The following EXOC6B variants were observed in gnomAD, a reference collection of about 807,000 sequenced individuals.
The protein encoded by EXOC6B is exocyst complex component 6B.
In EXOC6B, 54 loss-of-function variants were observed where a neutral mutation model predicts 113.5. That is an observed-to-expected ratio of 0.48 (90% CI 0.38 to 0.60). The LOEUF (loss-of-function observed/expected upper bound fraction) is 0.60. Among genes scored for constraint, EXOC6B ranks in the 20% least tolerant of loss-of-function variants. The pLI is 0.00. For synonymous variants in EXOC6B, 357 were observed against 339.0 expected (o/e 1.05, Z -0.58); for missense variants, 797 against 977.5 (o/e 0.82, Z 2.46).
intron 17 of EXOC6B, among the ~76,000 whole-genome samples, chr2:72,479,904 T>C (rs1267775728): frequency 6.6e-6 from 1 of 152,024 alleles, no homozygotes; most frequent in Non-Finnish European, 1.5e-5. Flanking sequence ...AAAGTAAGAT[T>C]AAAAAATTGA....
chr2:72,654,717 G>C (rs1005480046), intron 6 of EXOC6B, among the ~76,000 whole-genome samples: 10 of 152,130 alleles, frequency 6.6e-5, no homozygotes, highest in Non-Finnish European at 8.8e-5. Context: ...CAAAAATACA[G>C]TGCCCAACAG....
At chr2:72,203,482 C>T (rs1167272005) in intron 20 of EXOC6B, among the ~76,000 whole-genome samples, 1 of 152,118 alleles carries the variant, frequency 6.6e-6, no homozygotes, top group Non-Finnish European at 1.5e-5. Context: ...GTACTAAGCA[C>T]AGTACAAAGG....
chr2:72,756,025 T>A (rs1466149364), intron 1 of EXOC6B, among the ~76,000 whole-genome samples: 2 of 152,178 alleles, frequency 1.3e-5, no homozygotes, highest in Non-Finnish European at 2.9e-5. Context: ...ATTACAAAGT[T>A]AACTCTCAAA....
Position 72,499,883 on chromosome 2 carries a change from T to A in EXOC6B, c.1239+18A>T. 6.6e-7 allele frequency: 1 copy of A among 1,523,378 alleles called. No individual in the cohort carries two copies. The highest frequency in any genetic ancestry group is 8.9e-7 in the Non-Finnish European group (1 of 1,120,868). The allele number at this position is 1,523,378 out of a possible 1,614,324, so 94.4% of individuals were successfully genotyped here. ...TAATACCAATCTAGATGAGCATATG[T>A]AAACAGAAATCACATACCTGAAGTG... On this transcript the variant is annotated intron_variant, in intron 12 of 21. Transcript: ENST00000272427.
intron 19 of EXOC6B, among the ~76,000 whole-genome samples, chr2:72,357,790 G>A (rs1334166752): frequency 1.3e-5 from 2 of 152,048 alleles, no homozygotes; most frequent in African/African-American, 4.8e-5. Flanking sequence ...CTTCTGTTTA[G>A]ACACACAAAT....
intron 6 of EXOC6B, among the ~76,000 whole-genome samples, chr2:72,623,749 T>C (rs1257376116): frequency 6.6e-6 from 1 of 152,208 alleles, no homozygotes; most frequent in African/African-American, 2.4e-5. Flanking sequence ...AAATATCTCC[T>C]ATTCAAAAGG....
intron 6 of EXOC6B, among the ~76,000 whole-genome samples, chr2:72,602,488 G>T (rs1212305593): frequency 2.0e-5 from 3 of 152,122 alleles, no homozygotes; most frequent in African/African-American, 4.8e-5. Context: ...CAAGTTGACA[G>T]CTCCATATTC....
intron 6 of EXOC6B, among the ~76,000 whole-genome samples, chr2:72,688,854 T>C (rs1027435370): frequency 1.1e-4 from 16 of 152,210 alleles, no homozygotes; most frequent in Admixed American, 1.0e-3. Flanking sequence ...GTCCAAACAT[T>C]ATCAAGCACT....
intron 18 of EXOC6B, among the ~76,000 whole-genome samples, chr2:72,413,733 G>A (rs1420897421): frequency 6.6e-6 from 1 of 151,826 alleles, no homozygotes; most frequent in African/African-American, 2.4e-5. Context: ...TCTCTATGCT[G>A]TTCCAGGTTG....
intron 20 of EXOC6B, among the ~76,000 whole-genome samples, chr2:72,302,553 T>C (rs1418577919): frequency 6.6e-6 from 1 of 152,246 alleles, no homozygotes; most frequent in African/African-American, 2.4e-5. Context: ...GGTCTTCTTG[T>C]TGAATTGAAC....
At chr2:72,702,028 G>A (rs55642420) in intron 6 of EXOC6B, among the ~76,000 whole-genome samples, 31,785 of 149,916 alleles carry the variant, frequency 0.21, 5,557 homozygotes, top group African/African-American at 0.48. Flanking sequence ...CCACTAACTC[G>A]TCATCTAGTA....
intron 6 of EXOC6B, among the ~76,000 whole-genome samples, chr2:72,610,963 C>T (rs995884842): frequency 6.6e-6 from 1 of 152,096 alleles, no homozygotes; most frequent in Non-Finnish European, 1.5e-5. Context: ...ATTAAAAGGG[C>T]ACTTCATTTC....
intron 20 of EXOC6B, among the ~76,000 whole-genome samples, chr2:72,281,056 A>G (rs1240342947): frequency 6.6e-6 from 1 of 152,216 alleles, no homozygotes; most frequent in Non-Finnish European, 1.5e-5. Flanking sequence ...GGTTCCACCT[A>G]GAAGGAGCCT....
At chr2:72,290,351 T>C (rs1034273848) in intron 20 of EXOC6B, among the ~76,000 whole-genome samples, 5 of 152,082 alleles carry the variant, frequency 3.3e-5, no homozygotes, top group East Asian at 1.9e-4. Flanking sequence ...ATTACCTACA[T>C]TTTGTCCATA....
chr2:72,251,017 G>A (rs951523620), intron 20 of EXOC6B, among the ~76,000 whole-genome samples: 1 of 149,892 alleles, frequency 6.7e-6, no homozygotes, highest in African/African-American at 2.5e-5. Flanking sequence ...TTATGGAGAC[G>A]GGGTCTCACT....
At chr2:72,730,874 C>T in intron 5 of EXOC6B, 133 bp downstream of exon 5, 1 of 535,466 alleles carries the variant, frequency 1.9e-6, no homozygotes, top group Non-Finnish European at 3.1e-6. Flanking sequence ...TAGAATGAAT[C>T]AATAAATATA....
chr2:72,496,716 C>T (rs1700054829), intron 13 of EXOC6B, among the ~76,000 whole-genome samples, 157 bp from the exon 14 acceptor site: 1 of 151,778 alleles, frequency 6.6e-6, no homozygotes, highest in South Asian at 2.1e-4. Flanking sequence ...TTTCCCAGTC[C>T]CTATTATATT....
At chr2:72,254,104 G>T (rs912300038) in intron 20 of EXOC6B, among the ~76,000 whole-genome samples, 2 of 150,168 alleles carry the variant, frequency 1.3e-5, no homozygotes, top group South Asian at 4.2e-4. Flanking sequence ...AGGTTGCAGT[G>T]AGCCGAGATC....
intron 1 of EXOC6B, among the ~76,000 whole-genome samples, chr2:72,820,554 G>A (rs560796864): frequency 2.6e-5 from 4 of 152,142 alleles, no homozygotes; most frequent in South Asian, 2.1e-4. Context: ...AAAAACTTTC[G>A]CTGAAAACTA....
Sources: gnomAD v4.1 joint callset for allele counts (sites outside exome capture counted in the v4.1 genomes callset) on GRCh38, gnomAD v4.1.1 for gene constraint, MANE v1.5 for transcripts, NCBI Gene and HGNC (gene_info 2026-07-23, HGNC 2026-07-21) for gene names.